Variants in LRIG1 observed in about 807,000 individuals in gnomAD.
The protein encoded by LRIG1 is leucine rich repeats and immunoglobulin like domains 1, also known as leucine-rich repeats and immunoglobulin-like domains protein 1.
In LRIG1, 48 loss-of-function variants were observed where a neutral mutation model predicts 99.2. The observed-to-expected ratio is 0.48, with a 90% CI of 0.38 to 0.62. The LOEUF (loss-of-function observed/expected upper bound fraction) is 0.62. Ranked by LOEUF, LRIG1 falls within the 20% of genes least tolerant of loss-of-function variation. The probability of loss-of-function intolerance (pLI) is 0.00; values close to 1 mark genes in which losing one functional copy is unlikely to be tolerated. For synonymous variants in LRIG1, 772 were observed against 596.1 expected (o/e 1.29, Z -4.30); for missense variants, 1,646 against 1,434.4 (o/e 1.15, Z -2.38).
chr3:66,456,547 T>C (rs1700225354), intron 2 of LRIG1, among the ~76,000 whole-genome samples: 1 of 142,698 alleles, frequency 7.0e-6, no homozygotes, highest in Non-Finnish European at 1.5e-5. Context: ...CACTCTAGCC[T>C]GGGCAACAGA....
chr3:66,436,629 A>G (rs771102385), intron 3 of LRIG1, among the ~76,000 whole-genome samples: 100 of 152,068 alleles, frequency 6.6e-4, no homozygotes, highest in Middle Eastern at 6.3e-3. Flanking sequence ...CCAGCCTCCA[A>G]ATGAAGCCAA....
intron 3 of LRIG1, among the ~76,000 whole-genome samples, chr3:66,443,611 G>T (rs764713489): frequency 3.9e-5 from 6 of 152,188 alleles, no homozygotes; most frequent in Non-Finnish European, 7.3e-5. Context: ...GGGCAGTGAG[G>T]TGCCCCTTAG....
At position 66,450,494 on chromosome 3, in the gene LRIG1, C is replaced by T. The variant is rs77962000; in HGVS notation, c.365+1065G>A. Among the ~76,000 whole-genome samples the T allele has an allele frequency of 3.9e-4, 60 of 152,308 alleles. No individual in the cohort carries two copies. The East Asian group carries it at 0.01, about 25-fold the overall frequency. On this transcript the variant is annotated intron_variant, in intron 3 of 18. Transcript: ENST00000273261. Reference sequence around the variant, plus strand: ...AGTGAAGTGCAATTCTAACCCCCCACGCTCTCCTGCAATCCCACAATGCCA... The same window carrying T: ...AGTGAAGTGCAATTCTAACCCCCCATGCTCTCCTGCAATCCCACAATGCCA...
At chr3:66,440,259 T>C (rs1703498291) in intron 3 of LRIG1, among the ~76,000 whole-genome samples, 1 of 152,166 alleles carries the variant, frequency 6.6e-6, no homozygotes, top group Admixed American at 6.5e-5. Context: ...GAGGTTTTGA[T>C]TTAACTGCCC....
intron 9 of LRIG1, among the ~76,000 whole-genome samples, chr3:66,403,558 C>T (rs866218084): frequency 2.0e-5 from 3 of 152,114 alleles, no homozygotes; most frequent in African/African-American, 7.2e-5. Context: ...CCTCTTGGGG[C>T]TCAGGTGGAA....
At chr3:66,431,245 G>A (rs1703162972) in intron 3 of LRIG1, among the ~76,000 whole-genome samples, 1 of 152,222 alleles carries the variant, frequency 6.6e-6, no homozygotes, top group African/African-American at 2.4e-5. Flanking sequence ...CTTGAGGGAA[G>A]GAGGTAAGAA....
chr3:66,427,411 C>G (rs993889575), intron 3 of LRIG1, among the ~76,000 whole-genome samples: 5 of 152,242 alleles, frequency 3.3e-5, no homozygotes, highest in African/African-American at 9.6e-5. Context: ...CACACCAGCC[C>G]TGATGCCTAC....
chr3:66,433,696 G>A (rs958536834), intron 3 of LRIG1, among the ~76,000 whole-genome samples: 1 of 152,310 alleles, frequency 6.6e-6, no homozygotes, highest in East Asian at 1.9e-4. Context: ...ACAGTGCTCC[G>A]GGAGGGTTAA....
chr3:66,398,718 G>T (rs783512), intron 10 of LRIG1, among the ~76,000 whole-genome samples: 6 of 152,078 alleles, frequency 3.9e-5, no homozygotes, highest in African/African-American at 4.8e-5. Flanking sequence ...GCAGCAGGAG[G>T]GGGGAGGGTA....
At chr3:66,493,973 A>G (rs898871717) in intron 1 of LRIG1, among the ~76,000 whole-genome samples, 1 of 149,588 alleles carries the variant, frequency 6.7e-6, no homozygotes, top group Non-Finnish European at 1.5e-5. Flanking sequence ...AAAAGAAAAG[A>G]AAGAGAAAAA....
intron 12 of LRIG1, among the ~76,000 whole-genome samples, chr3:66,393,390 G>A (rs761571550): frequency 3.3e-5 from 5 of 152,186 alleles, no homozygotes; most frequent in African/African-American, 9.7e-5. Flanking sequence ...TCCTGACCGT[G>A]AGCCTGTGTC....
chr3:66,445,238 C>A (rs1365476871), intron 3 of LRIG1, among the ~76,000 whole-genome samples: 1 of 151,914 alleles, frequency 6.6e-6, no homozygotes, highest in Non-Finnish European at 1.5e-5. Context: ...TACTTTTACA[C>A]TGACGGTTTA....
chr3:66,404,150 A>AGGACCCT lies in LRIG1; in HGVS notation c.1160+1041_1160+1047dup, dbSNP rs1702173947. 13 of 829,522 alleles carry AGGACCCT rather than the reference A, an allele frequency of 1.6e-5. No individual in the cohort carries two copies. The Admixed American group carries it at 2.8e-4, about 18-fold the overall frequency. 51.4% of individuals were successfully genotyped at this position (829,522 alleles called of 1,614,324 possible). A position where few individuals can be genotyped will look rare whatever the true frequency, so the allele number is the denominator to read the frequency against. On this transcript the variant is annotated intron_variant, in intron 9 of 18. Coordinates refer to ENST00000273261, the MANE Select transcript of LRIG1 (RefSeq NM_015541.3). The stretch of plus-strand genomic sequence containing the variant: ...CAGCCAACAGAGCTTATTCCTAAGC[A>AGGACCCT]GGACCCTTGTATATAAAAGGTGCAA...
In LRIG1 at chr3:66,457,772, C is replaced by G. The variant is rs147289025; in HGVS notation, c.290+4666G>C. Among the ~76,000 whole-genome samples, 133 of 152,280 alleles carry G rather than the reference C, an allele frequency of 8.7e-4. No homozygotes were observed. The Middle Eastern group carries it at 0.01, about 12-fold the overall frequency. ...CTACCAAAATGAGAGTTTTTCCCACCACATCATATTGAATCCCTAAGATAT... is the reference window on the plus strand; with the variant it reads ...CTACCAAAATGAGAGTTTTTCCCACGACATCATATTGAATCCCTAAGATAT... On this transcript the variant is annotated intron_variant, in intron 2 of 18. Coordinates refer to ENST00000273261, the MANE Select transcript of LRIG1 (RefSeq NM_015541.3).
In LRIG1 at chr3:66,380,281, C is replaced by G. The variant is rs1368662689; in HGVS notation, c.3264G>C (p.Leu1088=). ...ACAAAACCTAGCTTTTTGGTGCCAA[C>G]AGCAGTGGCACCCTCTGTTTCCCGG... The part of the protein sequence containing the change: ...QLPGKQRVPL[L]LAPKS Residue 1088 remains leucine (L), a synonymous_variant, in exon 19 of 19, where the codon CTG becomes CTC. Coordinates refer to ENST00000273261, the MANE Select transcript of LRIG1 (RefSeq NM_015541.3). The G allele has an allele frequency of 3.7e-6, 6 of 1,612,480 alleles. No homozygotes were observed. The highest frequency in any genetic ancestry group is 5.1e-6 in the Non-Finnish European group (6 of 1,178,818).
intron 8 of LRIG1, chr3:66,406,038 G>T: frequency 1.0e-6 from 1 of 987,712 alleles, no homozygotes; most frequent in Non-Finnish European, 1.2e-6. Context: ...AAGGTTCTTG[G>T]TTCTTAAATT....
intron 5 of LRIG1, 81 bp downstream of exon 5, chr3:66,414,839 G>T: frequency 7.5e-7 from 1 of 1,334,264 alleles, no homozygotes; most frequent in Non-Finnish European, 1.0e-6. Context: ...AAAGGGTGGC[G>T]TTTGGTACGA....
intron 12 of LRIG1, 198 bp from the exon 13 acceptor site, chr3:66,386,499 T>G (rs945724033): frequency 1.0e-5 from 6 of 582,960 alleles, no homozygotes; most frequent in Non-Finnish European, 1.8e-5. Flanking sequence ...TAGAAGTCTG[T>G]GAGTACTGAT....
At chr3:66,448,070 C>T (rs750224809) in intron 3 of LRIG1, among the ~76,000 whole-genome samples, 2 of 152,168 alleles carry the variant, frequency 1.3e-5, no homozygotes, top group African/African-American at 2.4e-5. Flanking sequence ...CAAATGGCTC[C>T]GGCATTATCC....
Sources: allele counts gnomAD v4.1 joint callset (sites outside exome capture counted in the v4.1 genomes callset), GRCh38; gene constraint gnomAD v4.1.1; transcripts MANE v1.5; gene names NCBI Gene and HGNC (gene_info 2026-07-23, HGNC 2026-07-21).